Variants in ATXN1 observed in about 807,000 individuals in gnomAD.
ATXN1 encodes ataxin-1.
Under a neutral mutation model 56.4 loss-of-function variants are expected in ATXN1, and 8 were observed. That is an observed-to-expected ratio of 0.14 (90% CI 0.08 to 0.26). The LOEUF (loss-of-function observed/expected upper bound fraction) is 0.26. Ranked by LOEUF, ATXN1 falls within the 10% of genes least tolerant of loss-of-function variation. The pLI is 1.00. For missense variants in ATXN1, 987 were observed against 1,106.5 expected (o/e 0.89, Z 1.53); for synonymous variants, 514 against 494.6 (o/e 1.04, Z -0.52).
At chr6:16,543,570 C>A (rs779543061) in intron 4 of ATXN1, among the ~76,000 whole-genome samples, 3 of 145,196 alleles carry the variant, frequency 2.1e-5, no homozygotes, top group Non-Finnish European at 3.0e-5. Context: ...GGATACGTGA[C>A]CAATTTTATT....
chr6:16,503,229 G>A (rs969782772), intron 5 of ATXN1, among the ~76,000 whole-genome samples: 1 of 152,166 alleles, frequency 6.6e-6, no homozygotes, highest in Non-Finnish European at 1.5e-5. Flanking sequence ...CAGCCCCACA[G>A]AGGTTCACAG....
At chr6:16,402,863 TG>T (rs1758606983) in intron 6 of ATXN1, among the ~76,000 whole-genome samples, 1 of 152,198 alleles carries the variant, frequency 6.6e-6, no homozygotes, top group Admixed American at 6.5e-5. Context: ...GAATTAGGCA[TG>T]GGAAGCAGCT....
At chr6:16,380,671 T>G (rs1353582678) in intron 6 of ATXN1, among the ~76,000 whole-genome samples, 1 of 152,084 alleles carries the variant, frequency 6.6e-6, no homozygotes, top group Non-Finnish European at 1.5e-5. Context: ...CATAAATAGC[T>G]CTTAGGGGAG....
chr6:16,622,972 G>A (rs975715550), intron 3 of ATXN1, among the ~76,000 whole-genome samples: 4 of 151,740 alleles, frequency 2.6e-5, no homozygotes, highest in South Asian at 2.1e-4. Flanking sequence ...TTTCTGCAAC[G>A]TAACTTTTTT....
chr6:16,402,992 GTAGA>G (rs1335283694), intron 6 of ATXN1, among the ~76,000 whole-genome samples: 2 of 152,222 alleles, frequency 1.3e-5, no homozygotes, highest in East Asian at 3.8e-4. Context: ...ATTCAAATCT[GTAGA>G]TAGTGAATTT....
At chr6:16,608,947 T>A (rs1163116254) in intron 3 of ATXN1, among the ~76,000 whole-genome samples, 1 of 152,164 alleles carries the variant, frequency 6.6e-6, no homozygotes, top group East Asian at 1.9e-4. Flanking sequence ...TTAGAGCACG[T>A]CATCAATCTG....
intron 7 of ATXN1, among the ~76,000 whole-genome samples, chr6:16,325,605 T>G (rs1488912566): frequency 2.0e-5 from 3 of 152,130 alleles, no homozygotes; most frequent in Non-Finnish European, 2.9e-5. Flanking sequence ...CTGACCCACC[T>G]GGGGCTTCCC....
intron 4 of ATXN1, among the ~76,000 whole-genome samples, chr6:16,545,623 G>C (rs1262595350): frequency 6.6e-6 from 1 of 152,142 alleles, no homozygotes; most frequent in East Asian, 1.9e-4. Flanking sequence ...CTTGTGGGGT[G>C]GTTGACATGG....
chr6:16,646,390 A>G (rs1175687723), intron 3 of ATXN1, among the ~76,000 whole-genome samples: 1 of 152,264 alleles, frequency 6.6e-6, no homozygotes, highest in Non-Finnish European at 1.5e-5. Context: ...AAATGTGGAT[A>G]GCTATGTTGA....
intron 3 of ATXN1, among the ~76,000 whole-genome samples, chr6:16,589,156 C>A (rs1326250323): frequency 6.6e-6 from 1 of 152,132 alleles, no homozygotes; most frequent in Non-Finnish European, 1.5e-5. Context: ...CTCCCTGACA[C>A]CTTCTGGGAA....
chr6:16,456,269 G>A (rs947626709), intron 6 of ATXN1, among the ~76,000 whole-genome samples: 1 of 152,180 alleles, frequency 6.6e-6, no homozygotes, highest in South Asian at 2.1e-4. Flanking sequence ...GATCCTCCCA[G>A]ATATTGCAAC....
chr6:16,684,848 G>A (rs1299821257), intron 2 of ATXN1, among the ~76,000 whole-genome samples: 2 of 136,324 alleles, frequency 1.5e-5, no homozygotes, highest in Non-Finnish European at 3.3e-5. Context: ...TTAAATTAGG[G>A]CTGGTTTTTT....
intron 4 of ATXN1, among the ~76,000 whole-genome samples, chr6:16,585,070 A>C (rs959167782): frequency 2.6e-5 from 4 of 151,452 alleles, no homozygotes; most frequent in Non-Finnish European, 5.9e-5. Context: ...TCATCACTAT[A>C]TAAAAAAAAA....
chr6:16,667,477 C>T (rs569353425), intron 2 of ATXN1: 2 of 152,336 alleles, frequency 1.3e-5, no homozygotes, highest in East Asian at 3.9e-4. Context: ...GAGTCTCACT[C>T]ACAAGCCACA....
chr6:16,634,158 AAC>A (rs2113813214), intron 3 of ATXN1, among the ~76,000 whole-genome samples: 1 of 152,324 alleles, frequency 6.6e-6, no homozygotes, highest in Admixed American at 6.5e-5. Context: ...CTTCTTAGAA[AAC>A]ACAGTTTAAA....
At chr6:16,663,394 T>C (rs1256339940) in intron 2 of ATXN1, among the ~76,000 whole-genome samples, 2 of 152,180 alleles carry the variant, frequency 1.3e-5, no homozygotes, top group African/African-American at 4.8e-5. Context: ...AAAAGAACTT[T>C]TGAATTATAT....
chr6:16,493,810 C>T (rs1483696304), intron 5 of ATXN1, among the ~76,000 whole-genome samples: 1 of 152,174 alleles, frequency 6.6e-6, no homozygotes, highest in Non-Finnish European at 1.5e-5. Flanking sequence ...GAAAAATCAT[C>T]ACATAAGTCT....
At chr6:16,598,986 G>A (rs2113778352) in intron 3 of ATXN1, among the ~76,000 whole-genome samples, 1 of 152,372 alleles carries the variant, frequency 6.6e-6, no homozygotes, top group South Asian at 2.1e-4. Flanking sequence ...AGTAGGAGCA[G>A]ATGAGGCTAT....
rs373752325 is a variant in ATXN1 at position 16,326,514 on chromosome 6, G to A, written c.1797C>T (p.Ile599=). 6.2e-7 allele frequency: 1 copy of A among 1,614,188 alleles called. No individual in the cohort carries two copies. The highest frequency in any genetic ancestry group is 8.5e-7 in the Non-Finnish European group (1 of 1,180,042). Residue 599 remains isoleucine (I), a synonymous_variant, in exon 7 of 8, where the codon ATC becomes ATT. Coordinates refer to ENST00000436367, the MANE Select transcript of ATXN1 (RefSeq NM_001128164.2). This position sits in a 1 kb window ranked among gnomAD's most constrained non-coding sequence, Gnocchi z 6.6. ...KVEDLKTEDF[I]QSAEISNDLK... is the part of the protein sequence containing the mutation. ...GGTCGTTGCTTATCTCTGCACTCTG[G>A]ATGAAATCTTCTGTTTTTAAGTCTT...
Sources: allele counts gnomAD v4.1 joint callset (sites outside exome capture counted in the v4.1 genomes callset), GRCh38; gene constraint gnomAD v4.1.1; non-coding constraint Gnocchi (gnomAD v3.1); transcripts MANE v1.5; gene names NCBI Gene and HGNC (gene_info 2026-07-23, HGNC 2026-07-21).